Variants in ZNF28 observed in about 807,000 individuals in gnomAD.
ZNF28 encodes the protein zinc finger protein 28.
Under a neutral mutation model 7.2 loss-of-function variants are expected in ZNF28, and 5 were observed. The ratio of observed to expected loss-of-function variants is 0.70; its 90% confidence interval spans 0.36 to 1.46. ZNF28 has a LOEUF of 1.46. ZNF28 is among the 40% of genes most tolerant of loss of function. The probability of loss-of-function intolerance (pLI) is 0.03; values close to 1 mark genes in which losing one functional copy is unlikely to be tolerated. For missense variants in ZNF28, 879 were observed against 866.6 expected (o/e 1.01, Z -0.18); for synonymous variants, 288 against 292.4 (o/e 0.99, Z 0.15).
At position 52,811,490 on chromosome 19, in the gene ZNF28, C is replaced by T. The variant is rs1309894747; in HGVS notation, c.16-3357G>A. ...GCCATCCCATCTAGGAAGTGAGGAGCGTCTCTGCCCGGCCGCCCATCGTCT... is the reference window on the plus strand; with the variant it reads ...GCCATCCCATCTAGGAAGTGAGGAGTGTCTCTGCCCGGCCGCCCATCGTCT... On this transcript the variant is annotated intron_variant, in intron 2 of 3. Coordinates refer to ENST00000457749, the MANE Select transcript of ZNF28 (RefSeq NM_006969.5). 5.4e-5 allele frequency among the ~76,000 whole-genome samples: 8 copies of T among 148,822 alleles called. No individual in the cohort carries two copies. In the East Asian group the frequency reaches 8.0e-4, roughly 15 times the overall value.
At chr19:52,809,299 A>T (rs1296471763) in intron 2 of ZNF28, among the ~76,000 whole-genome samples, 1 of 152,204 alleles carries the variant, frequency 6.6e-6, no homozygotes, top group African/African-American at 2.4e-5. Flanking sequence ...TTATACAGGG[A>T]AAAGTTGCAA....
At chr19:52,802,742 T>G (rs919854778) in intron 3 of ZNF28, among the ~76,000 whole-genome samples, 3 of 149,912 alleles carry the variant, frequency 2.0e-5, no homozygotes, top group African/African-American at 7.4e-5. Context: ...TATATCCATG[T>G]GGAACAGGCA....
At chr19:52,807,909 C>G in intron 3 of ZNF28, 98 bp downstream of exon 3, 1 of 1,560,918 alleles carries the variant, frequency 6.4e-7, no homozygotes, top group South Asian at 1.1e-5. Context: ...AAAATCAATA[C>G]GGCTTCCATT....
chr19:52,802,399 G>T (rs2062883621), intron 3 of ZNF28, among the ~76,000 whole-genome samples: 1 of 151,828 alleles, frequency 6.6e-6, no homozygotes. Context: ...ACAAAAAAAG[G>T]CAGGGCATGG....
intron 2 of ZNF28, among the ~76,000 whole-genome samples, chr19:52,812,143 G>T (rs1327935554): frequency 8.1e-6 from 1 of 123,832 alleles, no homozygotes; most frequent in South Asian, 2.8e-4. Flanking sequence ...GAGGGTGGTG[G>T]GGGGGTCAGC....
Position 52,799,785 on chromosome 19 carries a change from C to T in ZNF28, c.2060G>A (p.Gly687Glu). 6.2e-7 allele frequency: 1 copy of T among 1,613,990 alleles called. No individual in the cohort carries two copies. Residue 687 changes from glycine (G) to glutamate (E), a missense_variant, in exon 4 of 4, where the codon GGA becomes GAA. By Grantham distance (98) the Gly-to-Glu change is moderately conservative. Transcript: ENST00000457749. ...HLAQHQRVHT[G>E]EKPYKCNECG... is the part of the protein sequence containing the mutation. ...CTCATTACACTTGTAAGGTTTCTCT[C>T]CAGTATGAACTCTCTGATGCTGTGC...
chr19:52,806,700 G>T (rs1179435653), intron 3 of ZNF28, among the ~76,000 whole-genome samples: 6 of 151,884 alleles, frequency 4.0e-5, no homozygotes, highest in Non-Finnish European at 5.9e-5. Flanking sequence ...TCAGAAGTTT[G>T]AAACCAGCCT....
chr19:52,810,883 CCCCCTCCCCCTCCCCCTCCCT>C, intron 2 of ZNF28, among the ~76,000 whole-genome samples: 1 of 22,824 alleles, frequency 4.4e-5, no homozygotes, highest in African/African-American at 2.4e-4. Context: ...CCCTCCCCCT[CCCCCTCCCCCTCCCCCTCCCT>C]CTCCCTCTCC....
intron 2 of ZNF28, chr19:52,810,462 C>G: frequency 6.3e-7 from 1 of 1,591,862 alleles, no homozygotes; most frequent in Non-Finnish European, 8.6e-7. Flanking sequence ...CTCAAAGAGT[C>G]AGTGAGGACT....
chr19:52,800,669 GA>G lies in ZNF28; in HGVS notation c.1175del (p.Phe392SerfsTer40), dbSNP rs2062854460. The G allele has an allele frequency of 6.2e-7, 1 of 1,613,200 alleles. No individual in the cohort carries two copies. Among genetic ancestry groups the G allele is most frequent in the Non-Finnish European group, 8.5e-7 (1 of 1,179,702 alleles). On this transcript the variant is annotated frameshift_variant, in exon 4 of 4. Transcript: ENST00000457749. LOFTEE classifies it low-confidence loss of function (END_TRUNC). Reference protein sequence around the residue: ...PYECEECEKVFSRKSHLERHK... With the variant: ...PYECEECEKVXSRKSHLERHK... Reference sequence around the variant, plus strand: ...GTCTTTCAAGATGTGATTTGCGACTGAAAACTTTTTCACATTCTTCACATTC... The same window carrying G: ...GTCTTTCAAGATGTGATTTGCGACTGAAACTTTTTCACATTCTTCACATTC...
intron 2 of ZNF28, chr19:52,814,545 C>T (rs1290864722): frequency 6.9e-6 from 1 of 145,418 alleles, no homozygotes; most frequent in African/African-American, 2.7e-5. Context: ...AGTGATCCGA[C>T]ATCACACCAC....
chr19:52,803,137 T>A (rs2062895159), intron 3 of ZNF28, among the ~76,000 whole-genome samples: 1 of 152,244 alleles, frequency 6.6e-6, no homozygotes, highest in African/African-American at 2.4e-5. Flanking sequence ...TGGAGTGCAA[T>A]GGTATGATCT....
At position 52,812,241 on chromosome 19, in the gene ZNF28, G is replaced by A. The variant is rs1189653468; in HGVS notation, c.16-4108C>T. On this transcript the variant is annotated intron_variant, in intron 2 of 3. Coordinates refer to ENST00000457749, the MANE Select transcript of ZNF28 (RefSeq NM_006969.5). ...TGGGAAGTGAGGAGCCCCTCTGCCC[G>A]GCCACGACCCCGTCTGGGAGGTGTG... 2.8e-4 allele frequency among the ~76,000 whole-genome samples: 38 copies of A among 137,962 alleles called. 3 individuals carry two copies. Among genetic ancestry groups the A allele is most frequent in the Admixed American group, 1.8e-3 (25 of 14,138 alleles). The allele number at this position is 137,962 out of a possible 152,430, so 90.5% of individuals were successfully genotyped here.
chr19:52,820,531 T>C (rs2063183335), intron 1 of ZNF28, among the ~76,000 whole-genome samples: 1 of 152,060 alleles, frequency 6.6e-6, no homozygotes, highest in African/African-American at 2.4e-5. Flanking sequence ...TCTTCTCTGT[T>C]ATAACCCCCT....
chr19:52,810,647 G>C, intron 2 of ZNF28: 1 of 1,252,428 alleles, frequency 8.0e-7, no homozygotes, highest in Non-Finnish European at 1.2e-6. Context: ...TTTAACAGCA[G>C]GCTCTGGGGT....
intron 1 of ZNF28, among the ~76,000 whole-genome samples, chr19:52,821,012 C>T (rs998359171): frequency 6.6e-6 from 1 of 152,110 alleles, no homozygotes; most frequent in Admixed American, 6.5e-5. Context: ...GCTGGGCGGG[C>T]AAGAACACCC....
intron 2 of ZNF28, among the ~76,000 whole-genome samples, chr19:52,810,892 CCTCCCCCTCCCTCTCCCT>C (rs1424869080): frequency 0.036 from 342 of 9,462 alleles, 6 homozygotes; most frequent in Non-Finnish European, 0.065. Context: ...TCCCCCTCCC[CCTCCCCCTCCCTCTCCCT>C]CTCCCTCCAC....
rs1204374007 is a variant in ZNF28 at position 52,810,896 on chromosome 19, CCCCT to C, written c.16-2767_16-2764del. On this transcript the variant is annotated intron_variant, in intron 2 of 3. Coordinates refer to ENST00000457749, the MANE Select transcript of ZNF28 (RefSeq NM_006969.5). ...CCCCCTCCCCCTCCCCCTCCCCCTCCCCCTCCCTCTCCCTCTCCCTCCACAGTCT... is the reference window on the plus strand; with the variant it reads ...CCCCCTCCCCCTCCCCCTCCCCCTCCCCCTCTCCCTCTCCCTCCACAGTCT... Among the ~76,000 whole-genome samples, 24 of 17,632 alleles carry C rather than the reference CCCCT, an allele frequency of 1.4e-3. 1 individual carries two copies. Among genetic ancestry groups the C allele is most frequent in the African/African-American group, 5.6e-3 (23 of 4,090 alleles). 11.6% of individuals were successfully genotyped at this position (17,632 alleles called of 152,430 possible).
At position 52,799,857 on chromosome 19, in the gene ZNF28, T is replaced by C; in HGVS notation, c.1988A>G (p.Tyr663Cys). 1 of 1,614,104 alleles carries C rather than the reference T, an allele frequency of 6.2e-7. No homozygotes were observed. The highest frequency in any genetic ancestry group is 8.5e-7 in the Non-Finnish European group (1 of 1,179,990). The change falls in exon 4 of 4, where the codon TAC becomes TGC. Residue 663 changes from tyrosine to cysteine, a missense_variant. This residue lies in a region of ZNF28 where 864 missense variants were observed against 830.2 expected (regional missense o/e 1.04). Coordinates refer to ENST00000457749, the MANE Select transcript of ZNF28 (RefSeq NM_006969.5). Reference sequence around the variant, plus strand: ...AACCTTGCCACATTCATTACACTTGTAAGGTTTCTCTCCACTATGAAGCCT... The same window carrying C: ...AACCTTGCCACATTCATTACACTTGCAAGGTTTCTCTCCACTATGAAGCCT... ...HHRLHSGEKP[Y>C]KCNECGKVFN...
Sources: gnomAD v4.1 joint callset for allele counts (sites outside exome capture counted in the v4.1 genomes callset) on GRCh38, gnomAD v4.1.1 for gene constraint, gnomAD v4.1.1 regional missense constraint, MANE v1.5 for transcripts, NCBI Gene and HGNC (gene_info 2026-07-23, HGNC 2026-07-21) for gene names.